Variants in CNTNAP5 observed in about 807,000 individuals in gnomAD.
CNTNAP5 encodes contactin associated protein family member 5, also known as contactin-associated protein-like 5.
A neutral mutation model predicts 150.2 loss-of-function variants in CNTNAP5; 72 were observed. The ratio of observed to expected loss-of-function variants is 0.48; its 90% CI spans 0.40 to 0.58. The LOEUF (loss-of-function observed/expected upper bound fraction) is 0.58, where lower values mean the gene tolerates loss of function less well. Ranked by LOEUF, CNTNAP5 falls within the 20% of genes least tolerant of loss-of-function variation. The pLI is 0.00. For missense variants in CNTNAP5, 1,636 were observed against 1,626.2 expected, an observed-to-expected ratio of 1.01 and a Z score of -0.10; for synonymous variants, 672 against 619.8, an observed-to-expected ratio of 1.08 and a Z score of -1.25.
intron 13 of CNTNAP5, among the ~76,000 whole-genome samples, chr2:124,738,137 C>T (rs536956717): frequency 1.3e-5 from 2 of 152,234 alleles, no homozygotes; most frequent in African/African-American, 2.4e-5. Flanking sequence ...ATAAGTTAAA[C>T]TATGCTGAGG....
At chr2:124,646,474 A>C (rs1678203603) in intron 12 of CNTNAP5, among the ~76,000 whole-genome samples, 1 of 152,204 alleles carries the variant, frequency 6.6e-6, no homozygotes, top group Non-Finnish European at 1.5e-5. Flanking sequence ...AAGAAACCAC[A>C]TGATTTCTAT....
intron 1 of CNTNAP5, among the ~76,000 whole-genome samples, chr2:124,126,177 TAAA>T (rs1175874195): frequency 6.6e-6 from 1 of 151,544 alleles, no homozygotes; most frequent in African/African-American, 2.4e-5. Flanking sequence ...GCAAGACTAA[TAAA>T]GAAGAAAAGA....
intron 3 of CNTNAP5, among the ~76,000 whole-genome samples, chr2:124,362,721 A>G (rs1233185432): frequency 6.6e-6 from 1 of 152,202 alleles, no homozygotes; most frequent in Non-Finnish European, 1.5e-5. Flanking sequence ...TCAGCCTCAG[A>G]TTTGACCTTC....
chr2:124,872,735 G>T (rs754700492), intron 21 of CNTNAP5, among the ~76,000 whole-genome samples: 1 of 151,684 alleles, frequency 6.6e-6, no homozygotes, highest in Non-Finnish European at 1.5e-5. Flanking sequence ...GGACCACAAA[G>T]CCCAGACCTT....
Position 124,707,070 on chromosome 2 carries a change from G to A in CNTNAP5, c.2078-40159G>A, listed in dbSNP as rs1333304297. On this transcript the variant is annotated intron_variant, in intron 13 of 23. Transcript: ENST00000682447. ...GAGGAGGAGGAGGAGGAGAGGAAGA[G>A]GAAGAAGAAGAAGAGGAAGAAGAAG... 8.6e-3 allele frequency among the ~76,000 whole-genome samples: 930 copies of A among 107,968 alleles called. 61 individuals carry two copies. The highest frequency in any genetic ancestry group is 0.034 in the African/African-American group (876 of 26,010). 70.8% of individuals were successfully genotyped at this position (107,968 alleles called of 152,430 possible).
rs141738301 is a variant in CNTNAP5, at chr2:124,919,904, G to T, written c.*5616G>T. ...TGCCCTAGGTCTATTATCAATCAGA[G>T]CCCCTGTGAGTGGAAGTCCTCAGAT... On this transcript the variant is annotated 3_prime_UTR_variant, in exon 24 of 24. Coordinates refer to ENST00000682447, the MANE Select transcript of CNTNAP5 (RefSeq NM_001367498.1). Among the ~76,000 whole-genome samples, 276 of 152,016 alleles carry T rather than the reference G, an allele frequency of 1.8e-3. 2 individuals carry two copies. Among genetic ancestry groups the T allele is most frequent in the African/African-American group, 6.4e-3 (265 of 41,482 alleles).
rs536276182 is a variant in CNTNAP5, at chr2:124,918,460, G to C, written c.*4172G>C. On this transcript the variant is annotated 3_prime_UTR_variant, in exon 24 of 24. Transcript: ENST00000682447. ...GTTTCCTGTCTTGAAGGTCATACTT[G>C]CTCCCTCTCTGCAGGAAGTTAATTC... 6.6e-6 allele frequency among the ~76,000 whole-genome samples: 1 copy of C among 152,042 alleles called. No homozygotes were observed. The highest frequency in any genetic ancestry group is 6.6e-5 in the Admixed American group (1 of 15,232).
At chr2:124,746,430 C>T (rs1452343418) in intron 13 of CNTNAP5, among the ~76,000 whole-genome samples, 1 of 152,160 alleles carries the variant, frequency 6.6e-6, no homozygotes, top group Non-Finnish European at 1.5e-5. Flanking sequence ...TTGCATACCA[C>T]CTTTATGTGG....
intron 11 of CNTNAP5, among the ~76,000 whole-genome samples, chr2:124,570,332 C>T (rs899909319): frequency 6.6e-6 from 1 of 152,000 alleles, no homozygotes; most frequent in African/African-American, 2.4e-5. Flanking sequence ...GGAAGAGCAC[C>T]GACAACGGCC....
Position 124,913,351 on chromosome 2 carries a change from G to A in CNTNAP5, c.3728-741G>A, listed in dbSNP as rs144279906. Among the ~76,000 whole-genome samples, 304 of 152,126 alleles carry A rather than the reference G, an allele frequency of 2.0e-3. 3 individuals are homozygous for A. The highest frequency in any genetic ancestry group is 6.6e-3 in the African/African-American group (274 of 41,534). ...CCTTTCATGTTCCAAGAGCCTTCCT[G>A]GCAAAGGTAGGGGTGAGACCCTAGG... On this transcript the variant is annotated intron_variant, in intron 23 of 23. Coordinates refer to ENST00000682447, the MANE Select transcript of CNTNAP5 (RefSeq NM_001367498.1).
intron 17 of CNTNAP5, among the ~76,000 whole-genome samples, chr2:124,786,570 GAGAA>G (rs997485894): frequency 1.3e-5 from 2 of 150,950 alleles, no homozygotes; most frequent in Admixed American, 6.6e-5. Context: ...AGAAGACAGA[GAGAA>G]AGAAAGAAAA....
intron 18 of CNTNAP5, among the ~76,000 whole-genome samples, chr2:124,796,729 G>C (rs1159100583): frequency 6.6e-6 from 1 of 152,198 alleles, no homozygotes; most frequent in East Asian, 1.9e-4. Flanking sequence ...CTCAATCAGA[G>C]ACTTTCATGG....
intron 1 of CNTNAP5, among the ~76,000 whole-genome samples, chr2:124,049,999 C>G (rs1681647621): frequency 6.6e-6 from 1 of 152,102 alleles, no homozygotes; most frequent in African/African-American, 2.4e-5. Context: ...GATCTAATCA[C>G]CTCTCATAGT....
chr2:124,560,318 G>T (rs1030720498), intron 10 of CNTNAP5, among the ~76,000 whole-genome samples: 2 of 152,108 alleles, frequency 1.3e-5, no homozygotes, highest in Middle Eastern at 6.8e-3. Flanking sequence ...GACCAGACTG[G>T]CCAACCCGTA....
intron 13 of CNTNAP5, among the ~76,000 whole-genome samples, chr2:124,667,113 A>C (rs112104858): frequency 0.021 from 3,236 of 152,358 alleles, 44 homozygotes; most frequent in Middle Eastern, 0.038. Context: ...GTAGCTGGGA[A>C]AGATTAACCA....
chr2:124,633,560 G>A (rs1677908806), intron 12 of CNTNAP5, among the ~76,000 whole-genome samples: 1 of 152,172 alleles, frequency 6.6e-6, no homozygotes, highest in Non-Finnish European at 1.5e-5. Context: ...GACTCACAGT[G>A]CAAGCTGTTA....
intron 19 of CNTNAP5, among the ~76,000 whole-genome samples, chr2:124,833,465 C>T (rs958445181): frequency 4.6e-5 from 7 of 152,056 alleles, no homozygotes; most frequent in African/African-American, 1.7e-4. Flanking sequence ...TCTTCTGGGA[C>T]ACCATGATTG....
In CNTNAP5 at chr2:124,517,126, A is replaced by G. The variant is rs149554707; in HGVS notation, c.1328-7177A>G. ...ATGATGGAAGGTTGTGGTATTGGTG[A>G]TGGAGTGCTGTGGTGTTGGTGATGG... On this transcript the variant is annotated intron_variant, in intron 8 of 23. Coordinates refer to ENST00000682447, the MANE Select transcript of CNTNAP5 (RefSeq NM_001367498.1). Among the ~76,000 whole-genome samples, 7 of 152,046 alleles carry G rather than the reference A, an allele frequency of 4.6e-5. No homozygotes were observed. In the East Asian group the frequency reaches 1.4e-3, roughly 29 times the overall value.
chr2:124,826,090 A>C (rs886512059), intron 19 of CNTNAP5, among the ~76,000 whole-genome samples: 2 of 152,164 alleles, frequency 1.3e-5, no homozygotes, highest in African/African-American at 4.8e-5. Flanking sequence ...ATTAGCCTCA[A>C]GTAGTTTTTA....
Sources: gnomAD v4.1 joint callset for allele counts (sites outside exome capture counted in the v4.1 genomes callset) on GRCh38, gnomAD v4.1.1 for gene constraint, MANE v1.5 for transcripts, NCBI Gene and HGNC (gene_info 2026-07-23, HGNC 2026-07-21) for gene names.